Variants in CTNNA3 observed in about 807,000 individuals in gnomAD.
CTNNA3 encodes catenin alpha-3.
A neutral mutation model predicts 95.7 loss-of-function variants in CTNNA3; 76 were observed. That is an observed-to-expected ratio of 0.79 (90% CI 0.66 to 0.96). The LOEUF (loss-of-function observed/expected upper bound fraction) is 0.96. Ranked by LOEUF, CTNNA3 falls within the 40% of genes least tolerant of loss-of-function variation. The pLI, the probability that CTNNA3 is intolerant of heterozygous loss-of-function variation, is 0.00. For synonymous variants in CTNNA3, 431 were observed against 374.4 expected, an observed-to-expected ratio of 1.15 and a Z score of -1.74; for missense variants, 1,191 against 1,089.8, an observed-to-expected ratio of 1.09 and a Z score of -1.31.
chr10:66,415,888 T>A (rs1414037349), intron 11 of CTNNA3, among the ~76,000 whole-genome samples: 3 of 152,138 alleles, frequency 2.0e-5, no homozygotes, highest in Non-Finnish European at 4.4e-5. Flanking sequence ...AAGAAGCAAC[T>A]GCTACATGAG....
intron 4 of CTNNA3, among the ~76,000 whole-genome samples, 163 bp from the exon 5 acceptor site, chr10:67,522,124 A>T (rs12778119): frequency 6.6e-6 from 1 of 152,218 alleles, no homozygotes; most frequent in Non-Finnish European, 1.5e-5. Context: ...AATTAGGGAC[A>T]CAGAAAGAGT....
chr10:66,583,913 T>C (rs1441997676), intron 10 of CTNNA3, among the ~76,000 whole-genome samples: 1 of 151,898 alleles, frequency 6.6e-6, no homozygotes, highest in Non-Finnish European at 1.5e-5. Context: ...TTTTTTAAAT[T>C]TCCACCTTAA....
chr10:66,268,019 C>T (rs1175831725), intron 13 of CTNNA3, among the ~76,000 whole-genome samples: 1 of 151,560 alleles, frequency 6.6e-6, no homozygotes, highest in East Asian at 1.9e-4. Flanking sequence ...AATTAATAAG[C>T]AAAAGACTGT....
rs1844713853 is a variant in CTNNA3 at position 66,620,693 on chromosome 10, T to C, written c.1374+999A>G. On this transcript the variant is annotated intron_variant, in intron 10 of 17. Transcript: ENST00000433211. ...TCAGTTGGGAGATCTCAGCTGCAGG[T>C]CCTCTAGATCCCACTTTTCCAGCTT... 2.0e-5 allele frequency among the ~76,000 whole-genome samples: 3 copies of C among 152,164 alleles called. No homozygotes were observed. In the South Asian group the frequency reaches 6.2e-4, roughly 31 times the overall value.
At chr10:66,820,452 A>G (rs1161885913) in intron 7 of CTNNA3, among the ~76,000 whole-genome samples, 2 of 152,086 alleles carry the variant, frequency 1.3e-5, no homozygotes, top group African/African-American at 2.4e-5. Flanking sequence ...ACTGAATTAT[A>G]CAATTTAATG....
intron 5 of CTNNA3, among the ~76,000 whole-genome samples, chr10:67,445,405 A>G (rs944256908): frequency 2.0e-5 from 3 of 151,866 alleles, no homozygotes; most frequent in Non-Finnish European, 4.4e-5. Flanking sequence ...AAAAAAAAAA[A>G]GACCTGTTGA....
chr10:66,635,452 G>A (rs1845301409), intron 9 of CTNNA3, among the ~76,000 whole-genome samples: 1 of 152,098 alleles, frequency 6.6e-6, no homozygotes, highest in South Asian at 2.1e-4. Context: ...AAATTTCAAA[G>A]CAATTTTATG....
At chr10:66,656,566 C>G (rs1012827231) in intron 9 of CTNNA3, among the ~76,000 whole-genome samples, 1 of 152,010 alleles carries the variant, frequency 6.6e-6, no homozygotes, top group Non-Finnish European at 1.5e-5. Context: ...AGTTCAACAC[C>G]CATTCTAACA....
At chr10:67,198,037 G>C (rs1467183944) in intron 6 of CTNNA3, among the ~76,000 whole-genome samples, 1 of 152,146 alleles carries the variant, frequency 6.6e-6, no homozygotes, top group Non-Finnish European at 1.5e-5. Flanking sequence ...CAACACAGTA[G>C]CTACTCAACA....
intron 4 of CTNNA3, among the ~76,000 whole-genome samples, chr10:67,538,751 T>G (rs1840569148): frequency 6.6e-6 from 1 of 152,110 alleles, no homozygotes; most frequent in African/African-American, 2.4e-5. Context: ...AAATGCAGAT[T>G]TATTTATAGA....
rs1225355487 is a variant in CTNNA3, at chr10:67,301,990, AGAACGAAAGAAC to A, written c.580-82132_580-82121del. Among the ~76,000 whole-genome samples, 49 of 72,696 alleles carry A rather than the reference AGAACGAAAGAAC, an allele frequency of 6.7e-4. 5 individuals are homozygous for A. Among genetic ancestry groups the A allele is most frequent in the African/African-American group, 4.3e-3 (31 of 7,154 alleles). The allele number at this position is 72,696 out of a possible 152,430, so 47.7% of individuals were successfully genotyped here. The stretch of plus-strand genomic sequence containing the variant: ...CAAGAAAGAAAAAAGAAAGAAAGAA[AGAACGAAAGAAC>A]GAAAGAAAGAAAGAAAGAAAGAAAG... On this transcript the variant is annotated intron_variant, in intron 5 of 17. Coordinates refer to ENST00000433211, the MANE Select transcript of CTNNA3 (RefSeq NM_013266.4).
At chr10:67,019,624 C>T (rs1005317721) in intron 7 of CTNNA3, among the ~76,000 whole-genome samples, 2 of 152,078 alleles carry the variant, frequency 1.3e-5, no homozygotes, top group African/African-American at 4.8e-5. Flanking sequence ...GTAATTTGTT[C>T]CAGGTTACAC....
intron 1 of CTNNA3, among the ~76,000 whole-genome samples, chr10:67,744,507 A>G (rs1841362166): frequency 6.6e-6 from 1 of 151,330 alleles, no homozygotes; most frequent in African/African-American, 2.4e-5. Context: ...TCAATTCAAG[A>G]TGGATTAAAG....
chr10:67,036,307 T>A (rs1323385626), intron 7 of CTNNA3, among the ~76,000 whole-genome samples: 1 of 151,800 alleles, frequency 6.6e-6, no homozygotes, highest in Non-Finnish European at 1.5e-5. Context: ...TTTGCTCTTG[T>A]TGCCCAGGCT....
intron 7 of CTNNA3, among the ~76,000 whole-genome samples, chr10:67,064,632 G>A (rs1222244897): frequency 6.6e-6 from 1 of 152,074 alleles, no homozygotes; most frequent in Non-Finnish European, 1.5e-5. Context: ...GTTATTCACA[G>A]AAGGCAAAGA....
At chr10:66,881,382 T>C (rs761285989) in intron 7 of CTNNA3, among the ~76,000 whole-genome samples, 58 of 152,158 alleles carry the variant, frequency 3.8e-4, no homozygotes, top group South Asian at 1.2e-3. Flanking sequence ...AGCAGAGCTG[T>C]GTCCTCTGTC....
intron 13 of CTNNA3, 21 bp downstream of exon 13, chr10:66,280,449 T>C (rs374695438): frequency 5.0e-6 from 8 of 1,596,164 alleles, no homozygotes; most frequent in Middle Eastern, 3.3e-4. Context: ...AATAATTCAA[T>C]GGAAGGAAAA....
chr10:66,765,083 C>T (rs969161572), intron 9 of CTNNA3, among the ~76,000 whole-genome samples: 1 of 152,132 alleles, frequency 6.6e-6, no homozygotes, highest in Non-Finnish European at 1.5e-5. Flanking sequence ...GGTGGAACGG[C>T]TTTGGGCTAC....
At chr10:67,612,072 C>T (rs114966504) in intron 2 of CTNNA3, among the ~76,000 whole-genome samples, 1,817 of 152,086 alleles carry the variant, frequency 0.012, 39 homozygotes, top group African/African-American at 0.041. Flanking sequence ...ACCAAAACAA[C>T]CCTTACTGGA....
Sources: gnomAD v4.1 joint callset for allele counts (sites outside exome capture counted in the v4.1 genomes callset) on GRCh38, gnomAD v4.1.1 for gene constraint, MANE v1.5 for transcripts, NCBI Gene and HGNC (gene_info 2026-07-23, HGNC 2026-07-21) for gene names.